Variants in RGS7BP observed in about 807,000 individuals in gnomAD.
RGS7BP encodes the protein regulator of G protein signaling 7-binding protein.
Under a neutral mutation model 31.3 loss-of-function variants are expected in RGS7BP, and 9 were observed. The observed-to-expected ratio is 0.29, with a 90% CI of 0.17 to 0.50. RGS7BP has a LOEUF of 0.50. Among genes scored for constraint, RGS7BP ranks in the 20% least tolerant of loss-of-function variants. RGS7BP has a pLI of 0.98. For missense variants in RGS7BP, 274 were observed against 322.0 expected (o/e 0.85, Z 1.14); for synonymous variants, 115 against 120.1 (o/e 0.96, Z 0.28).
At chr5:64,573,836 A>T (rs957447029) in intron 2 of RGS7BP, among the ~76,000 whole-genome samples, 3 of 152,186 alleles carry the variant, frequency 2.0e-5, no homozygotes, top group Admixed American at 6.5e-5. Flanking sequence ...GAGGTAATAG[A>T]TCTGTCAACT....
chr5:64,596,089 G>A (rs1743060665), intron 4 of RGS7BP, among the ~76,000 whole-genome samples: 1 of 152,192 alleles, frequency 6.6e-6, no homozygotes, highest in Non-Finnish European at 1.5e-5. Flanking sequence ...CCATATCAGG[G>A]CATAAACATC....
chr5:64,587,243 C>T (rs1742783297), intron 3 of RGS7BP, among the ~76,000 whole-genome samples: 1 of 152,138 alleles, frequency 6.6e-6, no homozygotes, highest in Non-Finnish European at 1.5e-5. Flanking sequence ...GAATGACAAA[C>T]ACAAAACAGT....
chr5:64,612,006 C>T lies in RGS7BP; in HGVS notation c.*2754C>T, dbSNP rs1743517693. 1 of 152,186 alleles carries T rather than the reference C, an allele frequency of 6.6e-6. No individual in the cohort carries two copies. Among genetic ancestry groups the T allele is most frequent in the Admixed American group, 6.6e-5 (1 of 15,196 alleles). 9.4% of individuals were successfully genotyped at this position (152,186 alleles called of 1,614,324 possible). The stretch of plus-strand genomic sequence containing the variant: ...TCATTTTGTCGCATGTACCCACAGG[C>T]TTGAAACAGAAAATGATGTAAACTT... On this transcript the variant is annotated 3_prime_UTR_variant, in exon 6 of 6. Coordinates refer to ENST00000334025, the MANE Select transcript of RGS7BP (RefSeq NM_001029875.3).
chr5:64,518,659 A>C (rs1250448182), intron 2 of RGS7BP, among the ~76,000 whole-genome samples: 3 of 152,198 alleles, frequency 2.0e-5, no homozygotes, highest in African/African-American at 7.2e-5. Context: ...GTTTGGAATT[A>C]TCTTCAGCTG....
intron 2 of RGS7BP, among the ~76,000 whole-genome samples, chr5:64,530,049 AG>A (rs1415558681): frequency 2.0e-5 from 3 of 152,354 alleles, no homozygotes; most frequent in Admixed American, 6.5e-5. Context: ...CAAAGTGTTC[AG>A]ATGGTATCTT....
chr5:64,567,504 T>C (rs549422602), intron 2 of RGS7BP, among the ~76,000 whole-genome samples: 12 of 152,304 alleles, frequency 7.9e-5, no homozygotes, highest in Admixed American at 2.6e-4. Context: ...CATTTTACGA[T>C]ACTTGCTTTA....
chr5:64,573,429 ATT>A (rs1472313543), intron 2 of RGS7BP: 1 of 152,150 alleles, frequency 6.6e-6, no homozygotes, highest in Non-Finnish European at 1.5e-5. Context: ...CTAGGCACAT[ATT>A]TTGTACTTCC....
intron 2 of RGS7BP, among the ~76,000 whole-genome samples, chr5:64,552,010 A>G (rs533006003): frequency 2.0e-4 from 31 of 152,322 alleles, no homozygotes; most frequent in African/African-American, 7.5e-4. Flanking sequence ...ACTGGATTAG[A>G]ATTTGTATTA....
In RGS7BP at chr5:64,507,717, C is replaced by A; in HGVS notation, c.172C>A (p.Gln58Lys). Residue 58 changes from glutamine (Q) to lysine (K), a missense_variant, in exon 2 of 6, where the codon CAA becomes AAA. This residue lies in a region of RGS7BP where 149 missense variants were observed against 152.6 expected (regional missense o/e 0.98). Coordinates refer to ENST00000334025, the MANE Select transcript of RGS7BP (RefSeq NM_001029875.3). ...RALDDCKMLV[Q>K]EFNTQVALYR... ...AAACTCACTTCTTTTCCAGCTTGTCCAAGAGTTCAACACACAAGTGGCCCT... is the reference window on the plus strand; with the variant it reads ...AAACTCACTTCTTTTCCAGCTTGTCAAAGAGTTCAACACACAAGTGGCCCT... 6.4e-7 allele frequency: 1 copy of A among 1,565,552 alleles called. No individual in the cohort carries two copies. The highest frequency in any genetic ancestry group is 8.6e-7 in the Non-Finnish European group (1 of 1,158,318).
At chr5:64,547,515 C>T (rs1741686330) in intron 2 of RGS7BP, among the ~76,000 whole-genome samples, 4 of 152,122 alleles carry the variant, frequency 2.6e-5, no homozygotes, top group Admixed American at 2.6e-4. Context: ...TAAGTATTTC[C>T]CATCATTGGC....
chr5:64,569,078 G>A (rs1291027088), intron 2 of RGS7BP, among the ~76,000 whole-genome samples: 1 of 152,080 alleles, frequency 6.6e-6, no homozygotes, highest in Non-Finnish European at 1.5e-5. Flanking sequence ...TGCACTTCAG[G>A]TTCCCCTTTA....
intron 5 of RGS7BP, among the ~76,000 whole-genome samples, chr5:64,606,927 T>G (rs1206394934): frequency 6.6e-6 from 1 of 152,126 alleles, no homozygotes; most frequent in Admixed American, 6.6e-5. Flanking sequence ...TTTTTCTCCA[T>G]GTTAACAGAA....
intron 5 of RGS7BP, among the ~76,000 whole-genome samples, chr5:64,601,764 A>G (rs1743224733): frequency 1.3e-5 from 2 of 152,124 alleles, no homozygotes; most frequent in African/African-American, 4.8e-5. Flanking sequence ...TACAAATGGA[A>G]CCACCTGTGG....
At chr5:64,596,967 A>C (rs1743086264) in intron 4 of RGS7BP, among the ~76,000 whole-genome samples, 1 of 152,212 alleles carries the variant, frequency 6.6e-6, no homozygotes, top group African/African-American at 2.4e-5. Flanking sequence ...CAGAAGAAAA[A>C]TAAGTGGATA....
Position 64,536,518 on chromosome 5 carries a change from T to A in RGS7BP, c.332+28641T>A, listed in dbSNP as rs796192461. On this transcript the variant is annotated intron_variant, in intron 2 of 5. Coordinates refer to ENST00000334025, the MANE Select transcript of RGS7BP (RefSeq NM_001029875.3). ...GATGAAAATCTTCATCCTATTTACA[T>A]GTATCCCTGCAATTCAGTGTGCAAA... 2.8e-4 allele frequency among the ~76,000 whole-genome samples: 42 copies of A among 152,360 alleles called. 2 individuals carry two copies. The highest frequency in any genetic ancestry group is 9.6e-4 in the African/African-American group (40 of 41,584).
chr5:64,579,543 C>CAAAAAAAAAAAAAAAAAAAAAAA (rs34003776), intron 3 of RGS7BP, among the ~76,000 whole-genome samples: 1 of 53,310 alleles, frequency 1.9e-5, no homozygotes, highest in Non-Finnish European at 3.1e-5. Flanking sequence ...GACTCCATCT[C>CAAAAAAAAAAAAAAAAAAAAAAA]AAAAAAAAAA....
chr5:64,601,487 ATGGTTAG>A, intron 5 of RGS7BP: 2 of 942,858 alleles, frequency 2.1e-6, no homozygotes, highest in Middle Eastern at 5.5e-4. Flanking sequence ...AGGAATTTTA[ATGGTTAG>A]TGATTATGCC....
intron 2 of RGS7BP, among the ~76,000 whole-genome samples, chr5:64,538,690 G>A (rs1211287284): frequency 6.6e-5 from 10 of 150,552 alleles, no homozygotes; most frequent in East Asian, 2.0e-4. Context: ...CTGCGTAGCC[G>A]GGATTACAGG....
At chr5:64,553,311 T>C (rs1000824524) in intron 2 of RGS7BP, among the ~76,000 whole-genome samples, 1 of 151,976 alleles carries the variant, frequency 6.6e-6, no homozygotes, top group African/African-American at 2.4e-5. Flanking sequence ...TAGCTGGGAT[T>C]ACAGGCATGT....
Sources: allele counts gnomAD v4.1 joint callset (sites outside exome capture counted in the v4.1 genomes callset), GRCh38; gene constraint gnomAD v4.1.1; regional missense constraint gnomAD v4.1.1; transcripts MANE v1.5; gene names NCBI Gene and HGNC (gene_info 2026-07-23, HGNC 2026-07-21).